The following TAF3 variants were observed in gnomAD, a reference collection of about 807,000 sequenced individuals.
TAF3 encodes TATA-box binding protein associated factor 3, also known as transcription initiation factor TFIID subunit 3.
TAF3 carries 7 observed loss-of-function variants against 80.6 expected under a neutral mutation model. The ratio of observed to expected loss-of-function variants is 0.09; its 90% CI spans 0.05 to 0.16. The LOEUF (loss-of-function observed/expected upper bound fraction) is 0.16, where lower values mean the gene tolerates loss of function less well. TAF3 is among the 10% of genes least tolerant of loss of function. The probability of loss-of-function intolerance (pLI) is 1.00; values close to 1 mark genes in which losing one functional copy is unlikely to be tolerated. For synonymous variants in TAF3, 444 were observed against 446.1 expected (o/e 1.00, Z 0.06); for missense variants, 921 against 1,140.2 (o/e 0.81, Z 2.77).
chr10:7,983,881 G>A (rs891531422), intron 4 of TAF3, among the ~76,000 whole-genome samples: 4 of 150,050 alleles, frequency 2.7e-5, no homozygotes, highest in Non-Finnish European at 5.9e-5. Flanking sequence ...TTTTTAAAAA[G>A]CAAAATAACA....
intron 1 of TAF3, among the ~76,000 whole-genome samples, chr10:7,820,185 C>T (rs1488485450): frequency 2.0e-5 from 3 of 152,172 alleles, no homozygotes; most frequent in African/African-American, 4.8e-5. Flanking sequence ...CTTTTATTTT[C>T]AGATGCACTT....
At chr10:7,830,506 A>T (rs1836788405) in intron 2 of TAF3, among the ~76,000 whole-genome samples, 1 of 76,498 alleles carries the variant, frequency 1.3e-5, no homozygotes, top group Non-Finnish European at 2.4e-5. Context: ...TTTTTTGAGA[A>T]GGAGTCTTGC....
At chr10:7,956,584 C>T (rs1838138226) in intron 2 of TAF3, among the ~76,000 whole-genome samples, 1 of 152,214 alleles carries the variant, frequency 6.6e-6, no homozygotes. Context: ...GCATCTCTGT[C>T]TCCCTATTTT....
At chr10:7,863,808 C>T (rs1837181447) in intron 2 of TAF3, among the ~76,000 whole-genome samples, 1 of 148,882 alleles carries the variant, frequency 6.7e-6, no homozygotes, top group Non-Finnish European at 1.5e-5. Flanking sequence ...TAATTTTTCT[C>T]AGTGATGTTT....
intron 4 of TAF3, among the ~76,000 whole-genome samples, chr10:8,001,583 G>A (rs767940712): frequency 5.9e-5 from 9 of 152,048 alleles, no homozygotes; most frequent in Admixed American, 2.6e-4. Context: ...TAAAATTGTC[G>A]TGCAGTCAAA....
At chr10:7,893,063 AC>A (rs1837470927) in intron 2 of TAF3, among the ~76,000 whole-genome samples, 3 of 150,644 alleles carry the variant, frequency 2.0e-5, no homozygotes. Flanking sequence ...CCGTTGATCC[AC>A]CCCCCTTGGC....
chr10:7,994,809 C>CAAAAAAAAAAAAAA (rs34669002), intron 4 of TAF3, among the ~76,000 whole-genome samples: 3 of 124,358 alleles, frequency 2.4e-5, no homozygotes, highest in Non-Finnish European at 5.1e-5. Context: ...CTAAAAATAC[C>CAAAAAAAAAAAAAA]AAAAAAAAAA....
chr10:7,997,386 A>T (rs911591116), intron 4 of TAF3, among the ~76,000 whole-genome samples: 25 of 152,252 alleles, frequency 1.6e-4, no homozygotes, highest in African/African-American at 5.1e-4. Flanking sequence ...AATGAGGATC[A>T]TTAAACTTCT....
intron 2 of TAF3, among the ~76,000 whole-genome samples, chr10:7,948,557 T>A (rs1198980015): frequency 6.6e-6 from 1 of 152,244 alleles, no homozygotes; most frequent in Non-Finnish European, 1.5e-5. Context: ...CTTTAAATCC[T>A]GAATTGCTTG....
chr10:7,966,617 T>A (rs1831573939), intron 3 of TAF3, among the ~76,000 whole-genome samples: 1 of 152,182 alleles, frequency 6.6e-6, no homozygotes, highest in African/African-American at 2.4e-5. Context: ...CCAGAGCTCC[T>A]GATGATCCTT....
At chr10:7,940,668 A>G (rs1231778294) in intron 2 of TAF3, among the ~76,000 whole-genome samples, 1 of 152,236 alleles carries the variant, frequency 6.6e-6, no homozygotes, top group East Asian at 1.9e-4. Flanking sequence ...AAGAAATAAC[A>G]TAGTGGCCAG....
chr10:7,935,571 G>A (rs1209370356), intron 2 of TAF3, among the ~76,000 whole-genome samples: 1 of 152,200 alleles, frequency 6.6e-6, no homozygotes, highest in African/African-American at 2.4e-5. Flanking sequence ...GTGACAGAGA[G>A]AGACAACGTC....
rs11255466 is a variant in TAF3, at chr10:7,969,261, C to G, written c.2232+3519C>G. Reference sequence around the variant, plus strand: ...AAGGCGGGAGGATAGCACCACTGCACTTCAGCTTGGGCAACAGAGTGAGAC... The same window carrying G: ...AAGGCGGGAGGATAGCACCACTGCAGTTCAGCTTGGGCAACAGAGTGAGAC... On this transcript the variant is annotated intron_variant, in intron 3 of 6. Coordinates refer to ENST00000344293, the MANE Select transcript of TAF3 (RefSeq NM_031923.4). Among the ~76,000 whole-genome samples, 3 of 152,008 alleles carry G rather than the reference C, an allele frequency of 2.0e-5. No individual in the cohort carries two copies. In the East Asian group the frequency reaches 5.8e-4, roughly 29 times the overall value.
intron 2 of TAF3, among the ~76,000 whole-genome samples, chr10:7,892,093 GTAAT>G (rs1477474137): frequency 1.3e-5 from 2 of 152,204 alleles, no homozygotes; most frequent in African/African-American, 2.4e-5. Context: ...TATTTATTGA[GTAAT>G]TAGTGTATTT....
intron 2 of TAF3, among the ~76,000 whole-genome samples, chr10:7,957,400 T>A (rs1838146320): frequency 6.6e-6 from 1 of 152,142 alleles, no homozygotes; most frequent in African/African-American, 2.4e-5. Context: ...GAGAATTGTT[T>A]TTTGTTTTTT....
chr10:8,004,031 T>C (rs530983605), intron 4 of TAF3, among the ~76,000 whole-genome samples: 5 of 152,266 alleles, frequency 3.3e-5, no homozygotes, highest in Admixed American at 3.3e-4. Flanking sequence ...TTTTAAACTT[T>C]TCAGTTTTAT....
At position 7,850,674 on chromosome 10, in the gene TAF3, CA is replaced by C. The variant is rs869282243; in HGVS notation, c.409+26127del. 1.6e-3 allele frequency among the ~76,000 whole-genome samples: 203 copies of C among 124,382 alleles called. 1 individual carries two copies. Among genetic ancestry groups the C allele is most frequent in the African/African-American group, 5.2e-3 (176 of 33,998 alleles). The allele number at this position is 124,382 out of a possible 152,430, so 81.6% of individuals were successfully genotyped here. ...CTAGCAAGAGAGCAAGACTCCATCT[CA>C]AAAAAAAAAAAATATATATGTATAT... On this transcript the variant is annotated intron_variant, in intron 2 of 6. Transcript: ENST00000344293.
chr10:7,922,909 A>G (rs898031735), intron 2 of TAF3, among the ~76,000 whole-genome samples: 2 of 152,056 alleles, frequency 1.3e-5, no homozygotes, highest in African/African-American at 2.4e-5. Context: ...GTCACAAATA[A>G]TAGGCTTATT....
At chr10:7,903,323 G>A (rs1428014234) in intron 2 of TAF3, among the ~76,000 whole-genome samples, 1 of 152,160 alleles carries the variant, frequency 6.6e-6, no homozygotes, top group Non-Finnish European at 1.5e-5. Context: ...TGTGTCCTTT[G>A]ACAAGTGTCC....
Sources: allele counts gnomAD v4.1 joint callset (sites outside exome capture counted in the v4.1 genomes callset), GRCh38; gene constraint gnomAD v4.1.1; transcripts MANE v1.5; gene names NCBI Gene and HGNC (gene_info 2026-07-23, HGNC 2026-07-21).